The following NSRP1 variants were observed in gnomAD, a reference collection of about 807,000 sequenced individuals.
The protein encoded by NSRP1 is nuclear speckle splicing regulatory protein 1.
Under a neutral mutation model 54.7 loss-of-function variants are expected in NSRP1, and 24 were observed. The ratio of observed to expected loss-of-function variants is 0.44; its 90% CI spans 0.32 to 0.62. The LOEUF (loss-of-function observed/expected upper bound fraction) is 0.62. NSRP1 is among the 20% of genes least tolerant of loss of function. NSRP1 has a pLI of 0.06. For synonymous variants in NSRP1, 210 were observed against 213.8 expected (o/e 0.98, Z 0.15); for missense variants, 596 against 651.2 (o/e 0.92, Z 0.92).
At chr17:30,148,802 T>TCTGTTCTGCCC (rs1221515887) in intron 2 of NSRP1, among the ~76,000 whole-genome samples, 7 of 152,248 alleles carry the variant, frequency 4.6e-5, no homozygotes, top group Non-Finnish European at 8.8e-5. Flanking sequence ...TTTTCAGATT[T>TCTGTTCTGCCC]AATTGTTCAC....
intron 6 of NSRP1, 28 bp from the exon 7 acceptor site, chr17:30,184,587 C>A: frequency 6.6e-7 from 1 of 1,520,682 alleles, no homozygotes; most frequent in South Asian, 1.3e-5. Flanking sequence ...GCATTTTTTT[C>A]TGCCCTTTTT....
intron 2 of NSRP1, among the ~76,000 whole-genome samples, chr17:30,141,059 A>G (rs1050565244): frequency 1.3e-5 from 2 of 152,210 alleles, no homozygotes; most frequent in Non-Finnish European, 2.9e-5. Flanking sequence ...GGGCTCAAGC[A>G]GTTCTCCTGC....
intron 2 of NSRP1, among the ~76,000 whole-genome samples, chr17:30,160,707 G>A (rs1219467310): frequency 3.9e-5 from 6 of 152,104 alleles, no homozygotes; most frequent in Non-Finnish European, 7.4e-5. Context: ...TTGTAAAATG[G>A]TTTTCTTGTT....
intron 2 of NSRP1, among the ~76,000 whole-genome samples, chr17:30,170,241 T>C (rs9900347): frequency 0.085 from 12,945 of 152,186 alleles, 1,751 homozygotes; most frequent in African/African-American, 0.29. Flanking sequence ...ATAACAATTA[T>C]GGGATATAGA....
chr17:30,178,269 A>G (rs957540148), intron 4 of NSRP1, 70 bp downstream of exon 4: 2 of 1,522,302 alleles, frequency 1.3e-6, no homozygotes, highest in African/African-American at 1.4e-5. Flanking sequence ...TTATTTTAAC[A>G]TGAGAATGAT....
At chr17:30,134,138 GGGAGAGA>G (rs922202692) in intron 2 of NSRP1, among the ~76,000 whole-genome samples, 1 of 152,182 alleles carries the variant, frequency 6.6e-6, no homozygotes, top group African/African-American at 2.4e-5. Context: ...CCTGAGGAGA[GGGAGAGA>G]GGAGAGAGGA....
At chr17:30,133,419 A>C (rs1284896270) in intron 2 of NSRP1, among the ~76,000 whole-genome samples, 1 of 152,108 alleles carries the variant, frequency 6.6e-6, no homozygotes, top group Admixed American at 6.5e-5. Context: ...TTTTGAAAGG[A>C]ATCTTTTTTT....
At chr17:30,174,917 A>G (rs1905076825) in intron 3 of NSRP1, among the ~76,000 whole-genome samples, 1 of 152,218 alleles carries the variant, frequency 6.6e-6, no homozygotes, top group Admixed American at 6.5e-5. Context: ...TTGCATCATA[A>G]GTGAGACTGG....
chr17:30,168,213 A>G (rs1332018113), intron 2 of NSRP1: 3 of 152,172 alleles, frequency 2.0e-5, no homozygotes, highest in Admixed American at 6.5e-5. Context: ...AAATTCTCTC[A>G]GGTAATCTGT....
In NSRP1 at chr17:30,170,077, A is replaced by T. The variant is rs145214331; in HGVS notation, c.115-2465A>T. ...ACCCATGTAGCCCTTGCCCCCACAA[A>T]TGAAAGAATTAAAAATGCATCAGTA... On this transcript the variant is annotated intron_variant, in intron 2 of 6. Transcript: ENST00000247026. 2.1e-4 allele frequency among the ~76,000 whole-genome samples: 32 copies of T among 152,258 alleles called. No homozygotes were observed. In the East Asian group the frequency reaches 5.4e-3, roughly 26 times the overall value.
intron 1 of NSRP1, among the ~76,000 whole-genome samples, chr17:30,117,698 A>G (rs1193922971): frequency 6.6e-6 from 1 of 152,190 alleles, no homozygotes; most frequent in Non-Finnish European, 1.5e-5. Context: ...TTAGACCACA[A>G]GGATAGTTGA....
intron 6 of NSRP1, among the ~76,000 whole-genome samples, chr17:30,183,011 T>C (rs1402683665): frequency 6.6e-6 from 1 of 152,126 alleles, no homozygotes; most frequent in Non-Finnish European, 1.5e-5. Context: ...CCACATTTCA[T>C]ATACTCAGTT....
intron 2 of NSRP1, among the ~76,000 whole-genome samples, chr17:30,141,544 T>C (rs905032923): frequency 6.6e-6 from 1 of 152,246 alleles, no homozygotes; most frequent in African/African-American, 2.4e-5. Flanking sequence ...TCTTAATAAA[T>C]GGTCACATTT....
At chr17:30,142,376 A>G (rs1333048688) in intron 2 of NSRP1, among the ~76,000 whole-genome samples, 1 of 152,024 alleles carries the variant, frequency 6.6e-6, no homozygotes, top group Non-Finnish European at 1.5e-5. Flanking sequence ...CCTAGGCAGG[A>G]GTGCAGTGGC....
rs1436651657 is a variant in NSRP1, at chr17:30,185,195, G to T, written c.1198G>T (p.Asp400Tyr). The change falls in exon 7 of 7, where the codon GAT (aspartate) becomes TAT (tyrosine). Residue 400 changes from aspartate to tyrosine, a missense_variant. Asp to Tyr is a radical substitution (Grantham distance 160). Coordinates refer to ENST00000247026, the MANE Select transcript of NSRP1 (RefSeq NM_032141.4). The stretch of plus-strand genomic sequence containing the variant: ...ACAAGAAAGAGATAGACAACAAAAT[G>T]ATCAGAACCGACCCAGTGAGAAAGG... Reference protein sequence around the residue: ...REQERDRQQNDQNRPSEKGEK... With the variant: ...REQERDRQQNYQNRPSEKGEK... 16 of 1,571,152 alleles carry T rather than the reference G, an allele frequency of 1.0e-5. No homozygotes were observed. The highest frequency in any genetic ancestry group is 1.2e-5 in the Non-Finnish European group (14 of 1,157,950).
At chr17:30,183,402 T>C (rs953870197) in intron 6 of NSRP1, among the ~76,000 whole-genome samples, 1 of 152,122 alleles carries the variant, frequency 6.6e-6, no homozygotes, top group African/African-American at 2.4e-5. Context: ...AGAAAATGTA[T>C]TTGAAGATTC....
intron 2 of NSRP1, among the ~76,000 whole-genome samples, chr17:30,149,393 A>C (rs78295613): frequency 0.013 from 2,048 of 152,290 alleles, 41 homozygotes; most frequent in African/African-American, 0.047. Flanking sequence ...ACCAAAGAAC[A>C]TAAGATTATC....
At chr17:30,141,065 C>A (rs575631596) in intron 2 of NSRP1, among the ~76,000 whole-genome samples, 1 of 152,214 alleles carries the variant, frequency 6.6e-6, no homozygotes, top group African/African-American at 2.4e-5. Flanking sequence ...AAGCAGTTCT[C>A]CTGCTTTGAC....
At chr17:30,122,352 CAT>C (rs1253948305) in intron 2 of NSRP1, 2,062 of 21,476 alleles carry the variant, frequency 0.096, 82 homozygotes, top group Non-Finnish European at 0.11. Context: ...ACTCTGGTTT[CAT>C]ATATATATAT....
Sources: gnomAD v4.1 joint callset for allele counts (sites outside exome capture counted in the v4.1 genomes callset) on GRCh38, gnomAD v4.1.1 for gene constraint, MANE v1.5 for transcripts, NCBI Gene and HGNC (gene_info 2026-07-23, HGNC 2026-07-21) for gene names.